Variants in ANO2 observed in about 807,000 individuals in gnomAD.
ANO2 encodes the protein anoctamin-2.
A neutral mutation model predicts 124.2 loss-of-function variants in ANO2; 101 were observed. The ratio of observed to expected loss-of-function variants is 0.81; its 90% CI spans 0.69 to 0.96. The LOEUF (loss-of-function observed/expected upper bound fraction) is 0.96. Among genes scored for constraint, ANO2 ranks in the 40% least tolerant of loss-of-function variants. The pLI, the probability that ANO2 is intolerant of heterozygous loss-of-function variation, is 0.00. For synonymous variants in ANO2, 486 were observed against 482.5 expected (o/e 1.01, Z -0.09); for missense variants, 1,293 against 1,274.5 (o/e 1.01, Z -0.22).
intron 14 of ANO2, among the ~76,000 whole-genome samples, chr12:5,719,849 G>A (rs1361638102): frequency 1.3e-5 from 2 of 152,132 alleles, no homozygotes; most frequent in Non-Finnish European, 2.9e-5. Context: ...GTTGTCCACG[G>A]TGGTAACCTG....
intron 3 of ANO2, chr12:5,856,390 G>T: frequency 6.6e-6 from 1 of 152,232 alleles, no homozygotes. Flanking sequence ...GGAGGGCAAG[G>T]GTCAAATTCC....
chr12:5,733,141 C>T, intron 13 of ANO2: 1 of 559,950 alleles, frequency 1.8e-6, no homozygotes, highest in Non-Finnish European at 3.2e-6. Context: ...AAAATGGCGA[C>T]CAATAAACAT....
intron 16 of ANO2, among the ~76,000 whole-genome samples, chr12:5,623,889 G>A (rs1010352374): frequency 1.3e-5 from 2 of 152,166 alleles, no homozygotes; most frequent in Admixed American, 1.3e-4. Context: ...GGGGTGGGTG[G>A]AGGGACTGTC....
At chr12:5,631,499 A>G (rs1449039749) in intron 16 of ANO2, among the ~76,000 whole-genome samples, 1 of 152,176 alleles carries the variant, frequency 6.6e-6, no homozygotes, top group Non-Finnish European at 1.5e-5. Context: ...TGAAAGCAAA[A>G]TGAGAGCAGG....
intron 15 of ANO2, among the ~76,000 whole-genome samples, chr12:5,643,063 T>TACACACACACACACACACAC (rs67252256): frequency 1.3e-5 from 2 of 149,984 alleles, no homozygotes; most frequent in African/African-American, 4.9e-5. Flanking sequence ...AAATCCATTT[T>TACACACACACACACACACAC]ACACACACAC....
chr12:5,574,500 T>C (rs1392530804), intron 23 of ANO2, among the ~76,000 whole-genome samples: 1 of 151,420 alleles, frequency 6.6e-6, no homozygotes, highest in Non-Finnish European at 1.5e-5. Flanking sequence ...GCATATTCCC[T>C]CTCCCTATCA....
chr12:5,581,410 C>T (rs2136848367), intron 20 of ANO2, among the ~76,000 whole-genome samples: 1 of 152,316 alleles, frequency 6.6e-6, no homozygotes, highest in East Asian at 1.9e-4. Flanking sequence ...GCCCTCACCA[C>T]ATTCGTGCAC....
intron 20 of ANO2, among the ~76,000 whole-genome samples, chr12:5,579,764 C>A (rs1280649814): frequency 6.6e-6 from 1 of 152,176 alleles, no homozygotes; most frequent in Non-Finnish European, 1.5e-5. Context: ...CCTAGCATCT[C>A]CCCAGCAACG....
chr12:5,887,937 C>T (rs1040517021), intron 3 of ANO2, among the ~76,000 whole-genome samples: 1 of 151,940 alleles, frequency 6.6e-6, no homozygotes, highest in Non-Finnish European at 1.5e-5. Context: ...GCTCACAAAG[C>T]ATGAGTGCTT....
intron 15 of ANO2, among the ~76,000 whole-genome samples, chr12:5,637,337 GAA>G (rs1371502637): frequency 2.2e-3 from 201 of 91,744 alleles, no homozygotes; most frequent in African/African-American, 7.5e-3. Flanking sequence ...AGGAGTGAGT[GAA>G]TGTGTGTGTG....
intron 14 of ANO2, among the ~76,000 whole-genome samples, chr12:5,721,096 C>T (rs557725913): frequency 6.6e-6 from 1 of 152,336 alleles, no homozygotes; most frequent in East Asian, 1.9e-4. Flanking sequence ...AAAGCAACGT[C>T]TCCTGGATTA....
At chr12:5,823,172 A>G (rs1953859981) in intron 7 of ANO2, among the ~76,000 whole-genome samples, 1 of 152,120 alleles carries the variant, frequency 6.6e-6, no homozygotes. Flanking sequence ...AAAACCAATC[A>G]TGCCTTCCCA....
intron 14 of ANO2, among the ~76,000 whole-genome samples, chr12:5,708,210 C>T (rs933711152): frequency 6.6e-6 from 1 of 152,198 alleles, no homozygotes; most frequent in Admixed American, 6.5e-5. Flanking sequence ...TCCTTCTTAT[C>T]CTAGAAGACA....
rs771366991 is a variant in ANO2 at position 5,925,931 on chromosome 12, G to A, written c.23-3127C>T. 1.3e-5 allele frequency among the ~76,000 whole-genome samples: 2 copies of A among 152,148 alleles called. No individual in the cohort carries two copies. The highest frequency in any genetic ancestry group is 2.1e-4 in the South Asian group (1 of 4,832). On this transcript the variant is annotated intron_variant, in intron 1 of 24. Transcript: ENST00000682330. The surrounding 1 kb of genome is among the most constrained non-coding windows in gnomAD (Gnocchi z 4.6). Reference sequence around the variant, plus strand: ...ACCTTCATTGTCACCTATTGCTGACGACACTTAAGTTTCACTCTAACTCTT... The same window carrying A: ...ACCTTCATTGTCACCTATTGCTGACAACACTTAAGTTTCACTCTAACTCTT...
intron 7 of ANO2, among the ~76,000 whole-genome samples, chr12:5,810,571 C>T (rs145536442): frequency 1.7e-3 from 261 of 152,280 alleles, no homozygotes; most frequent in Non-Finnish European, 3.1e-3. Flanking sequence ...CAGAGAGACC[C>T]AACCTTTTGT....
intron 3 of ANO2, among the ~76,000 whole-genome samples, chr12:5,903,956 G>A (rs10161529): frequency 0.11 from 16,083 of 152,138 alleles, 1,925 homozygotes; most frequent in African/African-American, 0.29. Flanking sequence ...CTCACCCTCC[G>A]TGAGTAGCCC....
intron 14 of ANO2, among the ~76,000 whole-genome samples, chr12:5,706,132 C>A (rs1296880811): frequency 1.3e-5 from 2 of 152,174 alleles, no homozygotes; most frequent in African/African-American, 4.8e-5. Flanking sequence ...TATTCTTTAA[C>A]CTAACTTCCC....
chr12:5,710,123 G>A (rs1459002165), intron 14 of ANO2, among the ~76,000 whole-genome samples: 1 of 152,246 alleles, frequency 6.6e-6, no homozygotes, highest in African/African-American at 2.4e-5. Context: ...TATTCCTGCA[G>A]ATGGGAAGAC....
At chr12:5,684,073 C>A (rs890175226) in intron 14 of ANO2, among the ~76,000 whole-genome samples, 3 of 152,200 alleles carry the variant, frequency 2.0e-5, no homozygotes, top group Admixed American at 2.0e-4. Flanking sequence ...ACCACCACTG[C>A]AGTCACAGGC....
Sources: allele counts gnomAD v4.1 joint callset (sites outside exome capture counted in the v4.1 genomes callset), GRCh38; gene constraint gnomAD v4.1.1; non-coding constraint Gnocchi (gnomAD v3.1); transcripts MANE v1.5; gene names NCBI Gene and HGNC (gene_info 2026-07-23, HGNC 2026-07-21).